Variants in PCDH9 observed in about 807,000 individuals in gnomAD.
PCDH9 encodes the protein protocadherin 9.
In PCDH9, 24 loss-of-function variants were observed where a neutral mutation model predicts 70.6. The ratio of observed to expected loss-of-function variants is 0.34; its 90% CI spans 0.25 to 0.48. The LOEUF (loss-of-function observed/expected upper bound fraction) is 0.48, where lower values mean the gene tolerates loss of function less well. Ranked by LOEUF, PCDH9 falls within the 20% of genes least tolerant of loss-of-function variation. The pLI, the probability that PCDH9 is intolerant of heterozygous loss-of-function variation, is 0.99. For synonymous variants in PCDH9, 562 were observed against 558.5 expected, an observed-to-expected ratio of 1.01 and a Z score of -0.09; for missense variants, 1,281 against 1,503.6, an observed-to-expected ratio of 0.85 and a Z score of 2.45.
chr13:67,041,841 A>AAG (rs2085122034), intron 2 of PCDH9, among the ~76,000 whole-genome samples: 1 of 151,762 alleles, frequency 6.6e-6, no homozygotes, highest in Non-Finnish European at 1.5e-5. Flanking sequence ...AAAAAAAAAA[A>AAG]AAAAAAGAAA....
chr13:66,343,006 A>C (rs1178006335), intron 4 of PCDH9, among the ~76,000 whole-genome samples: 1 of 152,010 alleles, frequency 6.6e-6, no homozygotes, highest in Admixed American at 6.6e-5. Flanking sequence ...TGGTAAACAG[A>C]GATCCCTTTT....
intron 4 of PCDH9, among the ~76,000 whole-genome samples, chr13:66,526,423 A>G (rs1219942654): frequency 6.6e-6 from 1 of 152,140 alleles, no homozygotes; most frequent in Non-Finnish European, 1.5e-5. Context: ...CTCAAAGTTC[A>G]GAAATTTTGC....
intron 4 of PCDH9, among the ~76,000 whole-genome samples, chr13:66,515,872 T>C (rs912627108): frequency 2.0e-5 from 3 of 152,040 alleles, no homozygotes; most frequent in Non-Finnish European, 4.4e-5. Flanking sequence ...GTATGTGAGC[T>C]ACACAAGTTT....
At chr13:67,037,250 G>C (rs1201688984) in intron 2 of PCDH9, among the ~76,000 whole-genome samples, 1 of 152,160 alleles carries the variant, frequency 6.6e-6, no homozygotes, top group Non-Finnish European at 1.5e-5. Context: ...TGTTGGAACT[G>C]TTCTTTATCA....
At chr13:66,635,956 C>T (rs966110198) in intron 3 of PCDH9, among the ~76,000 whole-genome samples, 1 of 152,026 alleles carries the variant, frequency 6.6e-6, no homozygotes, top group East Asian at 1.9e-4. Context: ...TAAGTATTGA[C>T]AATACTTACA....
chr13:66,868,369 A>G (rs1319947708), intron 3 of PCDH9, among the ~76,000 whole-genome samples: 1 of 152,094 alleles, frequency 6.6e-6, no homozygotes, highest in African/African-American at 2.4e-5. Context: ...AATTTTTTAT[A>G]GAAGATAATA....
At chr13:66,546,454 T>C (rs9529087) in intron 4 of PCDH9, among the ~76,000 whole-genome samples, 1 of 151,878 alleles carries the variant, frequency 6.6e-6, no homozygotes, top group Non-Finnish European at 1.5e-5. Context: ...AAAAGCCTTA[T>C]AGAATGTGGA....
At chr13:66,623,783 G>A (rs2077464121) in intron 4 of PCDH9, among the ~76,000 whole-genome samples, 1 of 152,102 alleles carries the variant, frequency 6.6e-6, no homozygotes, top group African/African-American at 2.4e-5. Context: ...CTGAATTTCA[G>A]TTTACTTATA....
At chr13:67,188,842 T>C (rs1480168798) in intron 2 of PCDH9, among the ~76,000 whole-genome samples, 2 of 151,970 alleles carry the variant, frequency 1.3e-5, no homozygotes, top group African/African-American at 4.8e-5. Context: ...GTTACATGAG[T>C]AAGTTCTTTA....
At chr13:66,387,761 C>T (rs1956953228) in intron 4 of PCDH9, among the ~76,000 whole-genome samples, 1 of 152,050 alleles carries the variant, frequency 6.6e-6, no homozygotes, top group South Asian at 2.1e-4. Context: ...TATATAGCAA[C>T]ATAAATGGAC....
In PCDH9 at chr13:67,125,123, T is replaced by G. The variant is rs1481361522; in HGVS notation, c.3036+100282A>C. Reference sequence around the variant, plus strand: ...TCCTTGAATATAAAATTGGGAATGTTCAGAGATGTATGAGAATTTCATGCA... The same window carrying G: ...TCCTTGAATATAAAATTGGGAATGTGCAGAGATGTATGAGAATTTCATGCA... On this transcript the variant is annotated intron_variant, in intron 2 of 4. Transcript: ENST00000377865. 3.3e-5 allele frequency among the ~76,000 whole-genome samples: 5 copies of G among 152,278 alleles called. No homozygotes were observed. In the East Asian group the frequency reaches 9.7e-4, roughly 29 times the overall value.
intron 4 of PCDH9, among the ~76,000 whole-genome samples, chr13:66,545,431 T>A (rs921721420): frequency 6.6e-6 from 1 of 152,242 alleles, no homozygotes; most frequent in African/African-American, 2.4e-5. Flanking sequence ...AATTAGATGA[T>A]GGCATGTCAA....
At chr13:66,409,710 A>G (rs1230132179) in intron 4 of PCDH9, among the ~76,000 whole-genome samples, 1 of 152,220 alleles carries the variant, frequency 6.6e-6, no homozygotes, top group African/African-American at 2.4e-5. Flanking sequence ...GGTAATCTAT[A>G]TATTCAAGAT....
intron 4 of PCDH9, among the ~76,000 whole-genome samples, chr13:66,556,157 C>A (rs1338457814): frequency 1.3e-5 from 2 of 151,776 alleles, no homozygotes; most frequent in Non-Finnish European, 2.9e-5. Flanking sequence ...GTGCCTGGTA[C>A]TGAATGCCAG....
At chr13:66,732,089 T>C (rs1302831962) in intron 3 of PCDH9, among the ~76,000 whole-genome samples, 1 of 152,006 alleles carries the variant, frequency 6.6e-6, no homozygotes, top group African/African-American at 2.4e-5. Context: ...TATTTGGTTT[T>C]ATTATTAGGC....
intron 2 of PCDH9, among the ~76,000 whole-genome samples, chr13:66,999,553 A>C (rs923295764): frequency 7.2e-5 from 11 of 151,924 alleles, no homozygotes; most frequent in Admixed American, 2.0e-4. Context: ...GCAACCTACA[A>C]AATGGGAGAA....
At chr13:67,033,857 G>A (rs560010328) in intron 2 of PCDH9, among the ~76,000 whole-genome samples, 2 of 152,306 alleles carry the variant, frequency 1.3e-5, no homozygotes, top group African/African-American at 2.4e-5. Context: ...CTTCAAGTTA[G>A]CAATGGTAAA....
chr13:66,686,166 C>A (rs2078398711), intron 3 of PCDH9, among the ~76,000 whole-genome samples: 1 of 152,040 alleles, frequency 6.6e-6, no homozygotes. Context: ...TCCCATAATC[C>A]CCATGTGTCA....
intron 3 of PCDH9, among the ~76,000 whole-genome samples, chr13:66,664,138 C>G (rs1240244468): frequency 6.6e-6 from 1 of 152,168 alleles, no homozygotes; most frequent in Non-Finnish European, 1.5e-5. Context: ...TTCCATCAAA[C>G]AAATAAGAAA....
Sources: allele counts gnomAD v4.1 joint callset (sites outside exome capture counted in the v4.1 genomes callset), GRCh38; gene constraint gnomAD v4.1.1; transcripts MANE v1.5; gene names NCBI Gene and HGNC (gene_info 2026-07-23, HGNC 2026-07-21).